Variants in ABLIM2 observed in about 807,000 individuals in gnomAD.
The protein encoded by ABLIM2 is actin binding LIM protein family member 2, also known as actin-binding LIM protein 2.
In ABLIM2, 53 loss-of-function variants were observed where a neutral mutation model predicts 97.7. The observed-to-expected ratio is 0.54, with a 90% CI of 0.44 to 0.68. The LOEUF is 0.68. ABLIM2 is among the 30% of genes least tolerant of loss of function. The pLI, the probability that ABLIM2 is intolerant of heterozygous loss-of-function variation, is 0.00. For missense variants in ABLIM2, 835 were observed against 867.2 expected, an observed-to-expected ratio of 0.96 and a Z score of 0.47; for synonymous variants, 361 against 345.8, an observed-to-expected ratio of 1.04 and a Z score of -0.49.
intron 1 of ABLIM2, among the ~76,000 whole-genome samples, chr4:8,151,305 G>C (rs960322859): frequency 6.6e-6 from 1 of 152,192 alleles, no homozygotes; most frequent in Non-Finnish European, 1.5e-5. Flanking sequence ...AGGCCTGGAA[G>C]CTGCTGATGG....
chr4:7,977,647 C>T (rs769578746), intron 20 of ABLIM2, among the ~76,000 whole-genome samples: 2 of 151,872 alleles, frequency 1.3e-5, no homozygotes, highest in Non-Finnish European at 2.9e-5. Flanking sequence ...AAAAATTAGC[C>T]GGGTGTGGTG....
intron 1 of ABLIM2, among the ~76,000 whole-genome samples, chr4:8,151,554 C>T (rs548315823): frequency 2.5e-4 from 38 of 152,266 alleles, no homozygotes; most frequent in African/African-American, 7.2e-4. Flanking sequence ...GGGAGCATCT[C>T]GAGAGCCAGA....
In ABLIM2 at chr4:8,072,092, T is replaced by A. The variant is rs1341739316; in HGVS notation, c.675+5536A>T. ...TCAGCCACGCCGCCACAGACTCGCC[T>A]CCCCGGCAGAGGCGAAAACAAAAGC... On this transcript the variant is annotated intron_variant, in intron 6 of 20. Transcript: ENST00000447017. The surrounding 1 kb of genome is among the most constrained non-coding windows in gnomAD (Gnocchi z 5.8). 1.0e-6 allele frequency: 1 copy of A among 983,610 alleles called. No homozygotes were observed. Among genetic ancestry groups the A allele is most frequent in the Non-Finnish European group, 1.2e-6 (1 of 828,478 alleles). The allele number at this position is 983,610 out of a possible 1,614,324, so 60.9% of individuals were successfully genotyped here.
Position 8,009,040 on chromosome 4 carries a change from C to G in ABLIM2, c.1476+10G>C, listed in dbSNP as rs753281403. The G allele has an allele frequency of 6.2e-7, 1 of 1,614,028 alleles. No homozygotes were observed. Among genetic ancestry groups the G allele is most frequent in the Admixed American group, 1.7e-5 (1 of 60,028 alleles). ...GGCTGTTCTCAGCCAGATCTGCTCC[C>G]TGGCATTACCTTCCTGTTATCCTGG... On this transcript the variant is annotated intron_variant, in intron 15 of 20. Coordinates refer to ENST00000447017, the MANE Select transcript of ABLIM2 (RefSeq NM_001130083.2).
intron 12 of ABLIM2, among the ~76,000 whole-genome samples, chr4:8,026,540 G>C (rs555365275): frequency 6.6e-6 from 1 of 152,382 alleles, no homozygotes; most frequent in East Asian, 1.9e-4. Context: ...GCTGCCTGCG[G>C]CCTGGGAGGC....
At chr4:8,145,840 C>A (rs1341633346) in intron 1 of ABLIM2, among the ~76,000 whole-genome samples, 1 of 151,432 alleles carries the variant, frequency 6.6e-6, no homozygotes, top group African/African-American at 2.4e-5. Context: ...CCTAGCTCAA[C>A]AGTGAAAGTC....
chr4:8,046,609 C>T lies in ABLIM2; in HGVS notation c.823-1368G>A, dbSNP rs1046012353. Among the ~76,000 whole-genome samples the T allele has an allele frequency of 1.3e-5, 2 of 152,172 alleles. No individual in the cohort carries two copies. The highest frequency in any genetic ancestry group is 2.9e-5 in the Non-Finnish European group (2 of 68,028). On this transcript the variant is annotated intron_variant, in intron 8 of 20. Coordinates refer to ENST00000447017, the MANE Select transcript of ABLIM2 (RefSeq NM_001130083.2). This position sits in a 1 kb window ranked among gnomAD's most constrained non-coding sequence, Gnocchi z 4.4. ...CTGAGTAGACCCTTTTCTTGCCACCCCCAACAATTCTGTCCTGCCCATTTC... is the reference window on the plus strand; with the variant it reads ...CTGAGTAGACCCTTTTCTTGCCACCTCCAACAATTCTGTCCTGCCCATTTC...
At position 8,033,707 on chromosome 4, in the gene ABLIM2, G is replaced by A. The variant is rs1399886096; in HGVS notation, c.1047+2442C>T. Among the ~76,000 whole-genome samples the A allele has an allele frequency of 6.6e-6, 1 of 152,226 alleles. No homozygotes were observed. Among genetic ancestry groups the A allele is most frequent in the Non-Finnish European group, 1.5e-5 (1 of 68,036 alleles). ...GCCCCTTCTCTGCCCTCTGGGGACA[G>A]GTCCTGGGGTCAGGATCATCCATGG... On this transcript the variant is annotated intron_variant, in intron 10 of 20. Coordinates refer to ENST00000447017, the MANE Select transcript of ABLIM2 (RefSeq NM_001130083.2). This position sits in a 1 kb window ranked among gnomAD's most constrained non-coding sequence, Gnocchi z 4.5.
chr4:8,032,380 G>C lies in ABLIM2; in HGVS notation c.1048-2604C>G, dbSNP rs572181416. Reference sequence around the variant, plus strand: ...TTCCCCTAAAGGAAGCCACGGCCCAGACCACGATCTGCTCAGGGTAGACCC... The same window carrying C: ...TTCCCCTAAAGGAAGCCACGGCCCACACCACGATCTGCTCAGGGTAGACCC... On this transcript the variant is annotated intron_variant, in intron 10 of 20. Coordinates refer to ENST00000447017, the MANE Select transcript of ABLIM2 (RefSeq NM_001130083.2). The surrounding 1 kb of genome is among the most constrained non-coding windows in gnomAD (Gnocchi z 4.3). Among the ~76,000 whole-genome samples, 1 of 152,284 alleles carries C rather than the reference G, an allele frequency of 6.6e-6. No individual in the cohort carries two copies. The highest frequency in any genetic ancestry group is 2.1e-4 in the South Asian group (1 of 4,822).
chr4:8,144,310 AAGAG>A (rs1561630604), intron 1 of ABLIM2, among the ~76,000 whole-genome samples: 1 of 152,324 alleles, frequency 6.6e-6, no homozygotes, highest in South Asian at 2.1e-4. Context: ...TTTAAGGAAG[AAGAG>A]AGAGAGACAG....
In ABLIM2 at chr4:8,150,196, A is replaced by G. The variant is rs1712162291; in HGVS notation, c.10+8484T>C. On this transcript the variant is annotated intron_variant, in intron 1 of 20. Transcript: ENST00000447017. The surrounding 1 kb of genome is among the most constrained non-coding windows in gnomAD (Gnocchi z 6.3). Reference sequence around the variant, plus strand: ...TGGGCACTTCGTGTCCAGCTGCAGCATCAACTGATGTCATTTTCCATGTGC... The same window carrying G: ...TGGGCACTTCGTGTCCAGCTGCAGCGTCAACTGATGTCATTTTCCATGTGC... Among the ~76,000 whole-genome samples the G allele has an allele frequency of 6.6e-6, 1 of 152,242 alleles. No homozygotes were observed. Among genetic ancestry groups the G allele is most frequent in the Admixed American group, 6.5e-5 (1 of 15,284 alleles).
chr4:7,965,465 T>A lies in ABLIM2; in HGVS notation c.*1525A>T, dbSNP rs1184206138. The stretch of plus-strand genomic sequence containing the variant: ...CATATTAGGTGCTAAAAACTCCCCC[T>A]CCCTAGCCGAGCTGGGCGGGTGAGA... On this transcript the variant is annotated 3_prime_UTR_variant, in exon 21 of 21. Coordinates refer to ENST00000447017, the MANE Select transcript of ABLIM2 (RefSeq NM_001130083.2). 2.0e-5 allele frequency: 3 copies of A among 152,374 alleles called. No individual in the cohort carries two copies. The highest frequency in any genetic ancestry group is 7.3e-5 in the African/African-American group (3 of 41,362). 9.4% of individuals were successfully genotyped at this position (152,374 alleles called of 1,614,324 possible).
intron 1 of ABLIM2, among the ~76,000 whole-genome samples, chr4:8,138,145 A>T (rs1043945776): frequency 6.6e-5 from 10 of 152,104 alleles, no homozygotes; most frequent in African/African-American, 2.4e-4. Flanking sequence ...AATGGGAGTG[A>T]CAGGGGCTGG....
At chr4:8,038,537 CT>C (rs1786023898) in intron 9 of ABLIM2, among the ~76,000 whole-genome samples, 1 of 152,196 alleles carries the variant, frequency 6.6e-6, no homozygotes, top group Non-Finnish European at 1.5e-5. Context: ...GTTCAGCCCC[CT>C]ACTCCAGCTT....
rs1020826784 is a variant in ABLIM2 at position 8,013,149 on chromosome 4, T to C, written c.1424-4047A>G. ...AGAGACACTTCCCTGAGAACATGCA[T>C]GTGATAAACACTTACTGAATACCTA... On this transcript the variant is annotated intron_variant, in intron 14 of 20. Transcript: ENST00000447017. Among the ~76,000 whole-genome samples, 20 of 151,922 alleles carry C rather than the reference T, an allele frequency of 1.3e-4. No homozygotes were observed. The East Asian group carries it at 3.7e-3, about 28-fold the overall frequency.
intron 10 of ABLIM2, among the ~76,000 whole-genome samples, chr4:8,030,727 G>A (rs977212995): frequency 3.3e-5 from 5 of 152,208 alleles, no homozygotes; most frequent in Admixed American, 6.5e-5. Context: ...TACCCCGGGC[G>A]TCCTCTGCAC....
At chr4:7,981,489 TC>T (rs1738422838) in intron 20 of ABLIM2, among the ~76,000 whole-genome samples, 2 of 152,224 alleles carry the variant, frequency 1.3e-5, no homozygotes, top group South Asian at 4.1e-4. Context: ...GCCCGTGTTC[TC>T]AGGAGCTCTT....
chr4:8,039,335 T>TG, intron 9 of ABLIM2, among the ~76,000 whole-genome samples: 1 of 152,308 alleles, frequency 6.6e-6, no homozygotes, highest in South Asian at 2.1e-4. Flanking sequence ...CGCCTTGCCC[T>TG]GGGTTAGCTC....
rs1188887541 is a variant in ABLIM2 at position 8,123,897 on chromosome 4, T to C, written c.11-17260A>G. Among the ~76,000 whole-genome samples the C allele has an allele frequency of 2.0e-5, 3 of 152,182 alleles. No individual in the cohort carries two copies. Among genetic ancestry groups the C allele is most frequent in the South Asian group, 2.1e-4 (1 of 4,828 alleles). On this transcript the variant is annotated intron_variant, in intron 1 of 20. Coordinates refer to ENST00000447017, the MANE Select transcript of ABLIM2 (RefSeq NM_001130083.2). This position sits in a 1 kb window ranked among gnomAD's most constrained non-coding sequence, Gnocchi z 6.2. ...GCTAACCTCTGGAGACACGGTTCCT[T>C]TGGGTTCAATGACAAAAATAACTTC...
Sources: allele counts gnomAD v4.1 joint callset (sites outside exome capture counted in the v4.1 genomes callset), GRCh38; gene constraint gnomAD v4.1.1; non-coding constraint Gnocchi (gnomAD v3.1); transcripts MANE v1.5; gene names NCBI Gene and HGNC (gene_info 2026-07-23, HGNC 2026-07-21).